CCDC18: variants seen among roughly 807,000 people sequenced by gnomAD.
CCDC18 encodes the protein coiled-coil domain-containing protein 18.
Under a neutral mutation model 196.0 loss-of-function variants are expected in CCDC18, and 157 were observed. The ratio of observed to expected loss-of-function variants is 0.80; its 90% confidence interval spans 0.70 to 0.91. The LOEUF is 0.91. Ranked by LOEUF, CCDC18 falls within the 40% of genes least tolerant of loss-of-function variation. The probability of loss-of-function intolerance (pLI) is 0.00; values close to 1 mark genes in which losing one functional copy is unlikely to be tolerated. For missense variants in CCDC18, 1,465 were observed against 1,611.6 expected (o/e 0.91, Z 1.56); for synonymous variants, 482 against 529.2 (o/e 0.91, Z 1.22).
At chr1:93,205,414 C>CT in intron 7 of CCDC18, 96 bp from the exon 8 acceptor site, 6 of 1,067,718 alleles carry the variant, frequency 5.6e-6, no homozygotes, top group Non-Finnish European at 8.0e-6. Flanking sequence ...TTAGTCTACT[C>CT]TCCTGCTTAT....
chr1:93,222,538 A>T (rs779825507), intron 16 of CCDC18, among the ~76,000 whole-genome samples: 1 of 152,160 alleles, frequency 6.6e-6, no homozygotes, highest in African/African-American at 2.4e-5. Context: ...TTCTAGCTAA[A>T]ATACGGCTTT....
rs1665761400 is a variant in CCDC18 at position 93,278,603 on chromosome 1, T to C, written c.*126T>C. The C allele has an allele frequency of 2.3e-6, 1 of 429,598 alleles. No homozygotes were observed. Among genetic ancestry groups the C allele is most frequent in the Non-Finnish European group, 4.1e-6 (1 of 244,006 alleles). The allele number at this position is 429,598 out of a possible 1,614,324, so 26.6% of individuals were successfully genotyped here. A position where few individuals can be genotyped will look rare whatever the true frequency, so the allele number is the denominator to read the frequency against. ...TTTGAATAAATTTTATATTTCAATA[T>C]TTTAAAAGAAAGCCCTTCTAAAACT... On this transcript the variant is annotated 3_prime_UTR_variant, in exon 29 of 29. Transcript: ENST00000690025.
chr1:93,251,322 ATTAT>A (rs1662226075), intron 23 of CCDC18, among the ~76,000 whole-genome samples: 1 of 152,158 alleles, frequency 6.6e-6, no homozygotes, highest in South Asian at 2.1e-4. Context: ...TGTTGTAATT[ATTAT>A]TTTTAATAAT....
At chr1:93,211,545 C>T (rs1274403001) in intron 10 of CCDC18, among the ~76,000 whole-genome samples, 1 of 152,092 alleles carries the variant, frequency 6.6e-6, no homozygotes, top group African/African-American at 2.4e-5. Context: ...ATATATATTT[C>T]TCTATTCATT....
At chr1:93,226,627 G>A (rs1658378746) in intron 17 of CCDC18, among the ~76,000 whole-genome samples, 178 bp downstream of exon 17, 1 of 151,684 alleles carries the variant, frequency 6.6e-6, no homozygotes, top group Non-Finnish European at 1.5e-5. Context: ...TCTGCCTCCT[G>A]GGTTCAAGCA....
intron 18 of CCDC18, 142 bp from the exon 19 acceptor site, chr1:93,236,102 CCTTG>C (rs779325511): frequency 2.1e-4 from 137 of 637,236 alleles, no homozygotes; most frequent in Non-Finnish European, 3.2e-4. Flanking sequence ...AGAAAGTAAG[CCTTG>C]CTTTTTATAT....
intron 10 of CCDC18, among the ~76,000 whole-genome samples, chr1:93,211,395 T>C (rs1655631513): frequency 6.6e-6 from 1 of 152,178 alleles, no homozygotes; most frequent in Non-Finnish European, 1.5e-5. Flanking sequence ...TTAACCAGGA[T>C]TGATTCTCCT....
chr1:93,182,033 T>C (rs1414137438), intron 1 of CCDC18, among the ~76,000 whole-genome samples: 1 of 152,228 alleles, frequency 6.6e-6, no homozygotes, highest in Non-Finnish European at 1.5e-5. Context: ...CCTTTTCTCC[T>C]TCACCATCCT....
At chr1:93,258,942 G>A in intron 26 of CCDC18, 57 bp downstream of exon 26, 1 of 1,443,792 alleles carries the variant, frequency 6.9e-7, no homozygotes, top group Admixed American at 2.3e-5. Flanking sequence ...TGACCTATCT[G>A]GACAAAAGTA....
intron 6 of CCDC18, among the ~76,000 whole-genome samples, chr1:93,198,912 G>A (rs1275768027): frequency 6.6e-6 from 1 of 152,156 alleles, no homozygotes. Flanking sequence ...CTCCTAAAGT[G>A]CAAGTATTAT....
intron 21 of CCDC18, among the ~76,000 whole-genome samples, chr1:93,243,008 G>A (rs1265968780): frequency 6.6e-6 from 1 of 152,190 alleles, no homozygotes; most frequent in East Asian, 1.9e-4. Context: ...CATGGTGCAA[G>A]CTGTCAGTGC....
intron 18 of CCDC18, among the ~76,000 whole-genome samples, chr1:93,234,858 G>C (rs1371605430): frequency 1.3e-5 from 2 of 151,244 alleles, no homozygotes; most frequent in Non-Finnish European, 2.9e-5. Context: ...TCATGGCTCA[G>C]TGCAGCCTCA....
At chr1:93,246,615 A>G (rs1001793917) in intron 22 of CCDC18, among the ~76,000 whole-genome samples, 1 of 152,194 alleles carries the variant, frequency 6.6e-6, no homozygotes, top group Non-Finnish European at 1.5e-5. Flanking sequence ...ATTGTTAAAA[A>G]AAATGCATAT....
chr1:93,242,177 T>G (rs991382446), intron 21 of CCDC18, among the ~76,000 whole-genome samples: 1 of 152,198 alleles, frequency 6.6e-6, no homozygotes, highest in Non-Finnish European at 1.5e-5. Flanking sequence ...CAAAATATAG[T>G]GTCTTAGTCC....
chr1:93,233,328 T>A (rs1304118117), intron 18 of CCDC18, among the ~76,000 whole-genome samples: 1 of 152,236 alleles, frequency 6.6e-6, no homozygotes, highest in Non-Finnish European at 1.5e-5. Context: ...GAGAATTTTA[T>A]ACTAGAATCT....
chr1:93,259,724 C>CTTT (rs1195434395), intron 26 of CCDC18, among the ~76,000 whole-genome samples: 2 of 152,144 alleles, frequency 1.3e-5, no homozygotes, highest in Non-Finnish European at 2.9e-5. Flanking sequence ...AATTTGCAAC[C>CTTT]TTTGATCTTT....
intron 14 of CCDC18, 42 bp from the exon 15 acceptor site, chr1:93,221,567 A>AT (rs774142121): frequency 2.3e-6 from 3 of 1,333,300 alleles, no homozygotes; most frequent in Middle Eastern, 5.2e-4. Context: ...ATGTTTCAAA[A>AT]TTTTAAAATA....
At chr1:93,251,231 T>C (rs1013381129) in intron 23 of CCDC18, among the ~76,000 whole-genome samples, 2 of 152,220 alleles carry the variant, frequency 1.3e-5, no homozygotes, top group African/African-American at 4.8e-5. Flanking sequence ...AAAACTTGTA[T>C]ACTTTAATCT....
intron 18 of CCDC18, among the ~76,000 whole-genome samples, chr1:93,233,894 G>A (rs1170351372): frequency 6.6e-6 from 1 of 152,068 alleles, no homozygotes; most frequent in African/African-American, 2.4e-5. Flanking sequence ...ACTGCTCCTG[G>A]CCTCTATTTT....
Sources: gnomAD v4.1 joint callset for allele counts (sites outside exome capture counted in the v4.1 genomes callset) on GRCh38, gnomAD v4.1.1 for gene constraint, MANE v1.5 for transcripts, NCBI Gene and HGNC (gene_info 2026-07-23, HGNC 2026-07-21) for gene names.